ATP13A3: variants seen among roughly 807,000 people sequenced by gnomAD.
ATP13A3 encodes ATPase 13A3.
ATP13A3 carries 59 observed loss-of-function variants against 158.1 expected under a neutral mutation model. That is an observed-to-expected ratio of 0.37 (90% CI 0.30 to 0.46). The LOEUF is 0.46. Ranked by LOEUF, ATP13A3 falls within the 20% of genes least tolerant of loss-of-function variation. The probability of loss-of-function intolerance (pLI) is 1.00; values close to 1 mark genes in which losing one functional copy is unlikely to be tolerated. For missense variants in ATP13A3, 1,166 were observed against 1,525.2 expected, an observed-to-expected ratio of 0.76 and a Z score of 3.92; for synonymous variants, 491 against 504.3, an observed-to-expected ratio of 0.97 and a Z score of 0.35.
chr3:194,452,854 A>C (rs1477568380), intron 10 of ATP13A3: 1 of 152,192 alleles, frequency 6.6e-6, no homozygotes, highest in Non-Finnish European at 1.5e-5. Flanking sequence ...TCCTTATCAT[A>C]GCATTTGTCA....
chr3:194,421,932 G>C (rs1425002786), intron 30 of ATP13A3, among the ~76,000 whole-genome samples: 2 of 104,912 alleles, frequency 1.9e-5, no homozygotes, highest in Admixed American at 1.7e-4. Flanking sequence ...TTCTTGACAT[G>C]TGTGTCGTTG....
At chr3:194,475,555 G>A (rs1334544916) in intron 2 of ATP13A3, among the ~76,000 whole-genome samples, 2 of 152,084 alleles carry the variant, frequency 1.3e-5, no homozygotes, top group African/African-American at 2.4e-5. Context: ...CAATGCAAAG[G>A]CCGTAACATT....
chr3:194,462,424 C>G (rs2108981223), intron 2 of ATP13A3, among the ~76,000 whole-genome samples, 188 bp from the exon 3 acceptor site: 1 of 152,302 alleles, frequency 6.6e-6, no homozygotes, highest in African/African-American at 2.4e-5. Context: ...AGCTCTACCT[C>G]CCATCAGATC....
At chr3:194,416,472 T>C (rs937418921) in intron 31 of ATP13A3, among the ~76,000 whole-genome samples, 2 of 151,206 alleles carry the variant, frequency 1.3e-5, no homozygotes, top group African/African-American at 2.5e-5. Context: ...AAAAAAGCAT[T>C]AGATAAAAAT....
chr3:194,403,929 GTC>G lies in ATP13A3; in HGVS notation c.*1988_*1989del. On this transcript the variant is annotated 3_prime_UTR_variant, in exon 34 of 34. Transcript: ENST00000645319. ...AATGTTAAAAAAGTGGGGGGGGGGT[GTC>G]AAAAATAGCTCTTTATGATCATGCT... 2 of 313,024 alleles carry G rather than the reference GTC, an allele frequency of 6.4e-6. No homozygotes were observed. Among genetic ancestry groups the G allele is most frequent in the Admixed American group, 4.7e-5 (1 of 21,256 alleles). 19.4% of individuals were successfully genotyped at this position (313,024 alleles called of 1,614,324 possible).
At chr3:194,438,316 A>C (rs562342475) in intron 17 of ATP13A3, among the ~76,000 whole-genome samples, 2 of 152,344 alleles carry the variant, frequency 1.3e-5, no homozygotes, top group South Asian at 4.1e-4. Context: ...ATGTAAAAAA[A>C]ATTTCAGGTA....
At chr3:194,456,511 T>C (rs1314801573) in intron 7 of ATP13A3, among the ~76,000 whole-genome samples, 2 of 152,148 alleles carry the variant, frequency 1.3e-5, no homozygotes, top group South Asian at 2.1e-4. Context: ...GAATTTTATG[T>C]TCTACCCCTT....
In ATP13A3 at chr3:194,448,082, CT is replaced by C. The variant is rs372075979; in HGVS notation, c.1151-74del. On this transcript the variant is annotated intron_variant, in intron 12 of 33. Coordinates refer to ENST00000645319, the MANE Select transcript of ATP13A3 (RefSeq NM_001367549.1). The surrounding 1 kb of genome is among the most constrained non-coding windows in gnomAD (Gnocchi z 4.0). ...AATTATCTCCCAAAACAGAATCTCT[CT>C]TTTTTTTTTTTTGAGACAGAGTCTC... 0.12 allele frequency: 125,651 copies of C among 1,017,966 alleles called. 144 individuals are homozygous for C. The highest frequency in any genetic ancestry group is 0.15 in the Admixed American group (5,956 of 39,274). The allele number at this position is 1,017,966 out of a possible 1,614,324, so 63.1% of individuals were successfully genotyped here. A position where few individuals can be genotyped will look rare whatever the true frequency, so the allele number is the denominator to read the frequency against.
chr3:194,412,668 C>A lies in ATP13A3; in HGVS notation c.3484-380G>T, dbSNP rs148644438. 1,680 of 197,510 alleles carry A rather than the reference C, an allele frequency of 8.5e-3. 6 individuals are homozygous for A. Among genetic ancestry groups the A allele is most frequent in the Non-Finnish European group, 0.013 (1,252 of 94,330 alleles). 12.2% of individuals were successfully genotyped at this position (197,510 alleles called of 1,614,324 possible). A position where few individuals can be genotyped will look rare whatever the true frequency, so the allele number is the denominator to read the frequency against. On this transcript the variant is annotated intron_variant, in intron 32 of 33. Transcript: ENST00000645319. Reference sequence around the variant, plus strand: ...GATATATAATTTCATCAGCATCCAACACAAACCATTCTTTAGGTAGTAAGA... The same window carrying A: ...GATATATAATTTCATCAGCATCCAAAACAAACCATTCTTTAGGTAGTAAGA...
chr3:194,418,857 G>A (rs959628865), intron 31 of ATP13A3, among the ~76,000 whole-genome samples: 1 of 152,204 alleles, frequency 6.6e-6, no homozygotes, highest in Non-Finnish European at 1.5e-5. Flanking sequence ...GGAATTACCA[G>A]CACATGGCAA....
intron 8 of ATP13A3, among the ~76,000 whole-genome samples, chr3:194,454,919 G>T (rs1235796082): frequency 6.6e-6 from 1 of 152,006 alleles, no homozygotes; most frequent in African/African-American, 2.4e-5. Flanking sequence ...TAAATTACTG[G>T]CATCCATTTA....
upstream of ATP13A3, chr3:194,487,085 AGGGGCGGGGAG>A (rs1427137863): frequency 1.4e-5 from 2 of 139,876 alleles, no homozygotes; most frequent in South Asian, 2.6e-4. Context: ...GAGGCGGGGA[AGGGGCGGGGAG>A]GGGCGGGGCG....
chr3:194,438,693 T>C (rs1388704890), intron 17 of ATP13A3, among the ~76,000 whole-genome samples, 163 bp downstream of exon 17: 1 of 152,118 alleles, frequency 6.6e-6, no homozygotes, highest in Non-Finnish European at 1.5e-5. Flanking sequence ...TCCCAGCACT[T>C]GGGGAGGCCA....
rs182421972 is a variant in ATP13A3, at chr3:194,448,205, G to C, written c.1151-196C>G. ...CCATTCTCCTGCCTCAGCCTCCCGA[G>C]TAGCTGGGACTGCAGGCGCCCGCCA... On this transcript the variant is annotated intron_variant, in intron 12 of 33. Coordinates refer to ENST00000645319, the MANE Select transcript of ATP13A3 (RefSeq NM_001367549.1). The surrounding 1 kb of genome is among the most constrained non-coding windows in gnomAD (Gnocchi z 4.0). Among the ~76,000 whole-genome samples the C allele has an allele frequency of 2.6e-4, 40 of 152,110 alleles. No individual in the cohort carries two copies. In the East Asian group the frequency reaches 7.7e-3, roughly 29 times the overall value.
chr3:194,423,164 A>C (rs1167514154), intron 30 of ATP13A3, among the ~76,000 whole-genome samples: 1 of 152,128 alleles, frequency 6.6e-6, no homozygotes, highest in Non-Finnish European at 1.5e-5. Context: ...CTTGAAATGA[A>C]GGCAGCTGAA....
intron 31 of ATP13A3, among the ~76,000 whole-genome samples, chr3:194,418,481 A>G (rs1716055001): frequency 6.6e-6 from 1 of 152,224 alleles, no homozygotes; most frequent in Non-Finnish European, 1.5e-5. Flanking sequence ...AATTTTTAAA[A>G]AAGACAACAT....
Position 194,448,479 on chromosome 3 carries a change from G to C in ATP13A3, c.1128C>G (p.Val376=). 6.2e-7 allele frequency: 1 copy of C among 1,613,974 alleles called. No individual in the cohort carries two copies. The highest frequency in any genetic ancestry group is 1.7e-5 in the Admixed American group (1 of 60,026). ...TACCTGTTCTAACAACTATGGCTTT[G>C]ACGAGTTCTCCAGTGTAGAAACGAG... ...IQTRFYTGEL[V]KAIVVRTGFS... is the part of the protein sequence containing the mutation. The change falls in exon 12 of 34, where the codon GTC becomes GTG. Residue 376 remains valine, a synonymous_variant. Coordinates refer to ENST00000645319, the MANE Select transcript of ATP13A3 (RefSeq NM_001367549.1). The surrounding 1 kb of genome is among the most constrained non-coding windows in gnomAD (Gnocchi z 4.0).
chr3:194,423,550 T>C (rs1335515647), intron 30 of ATP13A3, among the ~76,000 whole-genome samples: 1 of 152,208 alleles, frequency 6.6e-6, no homozygotes, highest in African/African-American at 2.4e-5. Flanking sequence ...CCTTTCGTAC[T>C]TTTCAGAAGG....
chr3:194,490,884 G>A (rs1358458947), upstream of ATP13A3, among the ~76,000 whole-genome samples: 1 of 152,220 alleles, frequency 6.6e-6, no homozygotes, highest in African/African-American at 2.4e-5. The surrounding 1 kb of genome is among the most constrained non-coding windows in gnomAD (Gnocchi z 4.4). Context: ...GGTGGCTCAC[G>A]CCTTTAATCC....
Sources: gnomAD v4.1 joint callset for allele counts (sites outside exome capture counted in the v4.1 genomes callset) on GRCh38, gnomAD v4.1.1 for gene constraint, Gnocchi (gnomAD v3.1) non-coding constraint, MANE v1.5 for transcripts, NCBI Gene and HGNC (gene_info 2026-07-23, HGNC 2026-07-21) for gene names.